PTPN4: variants seen among roughly 807,000 people sequenced by gnomAD.
PTPN4 encodes protein tyrosine phosphatase non-receptor type 4.
In PTPN4, 49 loss-of-function variants were observed where a neutral mutation model predicts 135.5. That is an observed-to-expected ratio of 0.36 (90% CI 0.29 to 0.46). The LOEUF (loss-of-function observed/expected upper bound fraction) is 0.46, where lower values mean the gene tolerates loss of function less well. Among genes scored for constraint, PTPN4 ranks in the 20% least tolerant of loss-of-function variants. The pLI is 1.00. For missense variants in PTPN4, 860 were observed against 1,101.0 expected (o/e 0.78, Z 3.10); for synonymous variants, 333 against 369.9 (o/e 0.90, Z 1.14).
intron 1 of PTPN4, among the ~76,000 whole-genome samples, chr2:119,787,925 C>T (rs1170543603): frequency 9.9e-5 from 15 of 152,108 alleles, no homozygotes; most frequent in Admixed American, 9.8e-4. Flanking sequence ...TAGTATTAGA[C>T]ATTTTAGGCA....
intron 1 of PTPN4, among the ~76,000 whole-genome samples, chr2:119,776,320 C>G (rs1002131257): frequency 6.6e-6 from 1 of 152,120 alleles, no homozygotes; most frequent in Admixed American, 6.6e-5. Flanking sequence ...GGACTACAGG[C>G]GCCTGCCACC....
chr2:119,823,888 C>A (rs1574353455), intron 2 of PTPN4, among the ~76,000 whole-genome samples: 1 of 152,196 alleles, frequency 6.6e-6, no homozygotes, highest in Non-Finnish European at 1.5e-5. Flanking sequence ...AACTCACTCT[C>A]GAAGAACTTT....
At chr2:119,795,782 C>T (rs925557742) in intron 1 of PTPN4, among the ~76,000 whole-genome samples, 13 of 152,358 alleles carry the variant, frequency 8.5e-5, no homozygotes, top group South Asian at 8.3e-4. Flanking sequence ...AGCAAGGCAC[C>T]GCCCTGGGCC....
intron 16 of PTPN4, among the ~76,000 whole-genome samples, chr2:119,945,873 CAA>C (rs1220009672): frequency 2.6e-5 from 4 of 152,074 alleles, no homozygotes; most frequent in African/African-American, 4.8e-5. Context: ...ACCTCTGTGA[CAA>C]GAGTAAAAAT....
chr2:119,940,227 C>T (rs148429499), intron 15 of PTPN4, among the ~76,000 whole-genome samples: 15 of 152,208 alleles, frequency 9.9e-5, no homozygotes, highest in East Asian at 5.8e-4. Flanking sequence ...GTGCCTTGTG[C>T]GTTAATTGGT....
intron 3 of PTPN4, among the ~76,000 whole-genome samples, chr2:119,864,454 C>T (rs1211022608): frequency 6.6e-6 from 1 of 152,002 alleles, no homozygotes. Context: ...AAGTATACCT[C>T]GTGAAGAGAA....
chr2:119,893,973 A>C (rs1678280908), intron 9 of PTPN4, among the ~76,000 whole-genome samples: 2 of 152,178 alleles, frequency 1.3e-5, no homozygotes, highest in Non-Finnish European at 2.9e-5. Flanking sequence ...GATAATAATA[A>C]GAGGAAACAC....
In PTPN4 at chr2:119,808,237, C is replaced by T. The variant is rs1691516268; in HGVS notation, c.-17-1600C>T. Among the ~76,000 whole-genome samples the T allele has an allele frequency of 2.0e-5, 3 of 151,960 alleles. No individual in the cohort carries two copies. The South Asian group carries it at 6.2e-4, about 32-fold the overall frequency. On this transcript the variant is annotated intron_variant, in intron 1 of 26. Coordinates refer to ENST00000263708, the MANE Select transcript of PTPN4 (RefSeq NM_002830.4). ...GGAAGTTCTGGCCAGGGCAGTCAGG[C>T]AAGAGAAAGAAATAAAGGGTATTCA...
chr2:119,832,907 T>C (rs1222100741), intron 2 of PTPN4, among the ~76,000 whole-genome samples: 3 of 152,212 alleles, frequency 2.0e-5, no homozygotes, highest in African/African-American at 7.2e-5. Flanking sequence ...TCTCATTCTT[T>C]GGAATAGTTT....
chr2:119,841,461 A>G (rs1382079855), intron 2 of PTPN4, among the ~76,000 whole-genome samples: 4 of 152,180 alleles, frequency 2.6e-5, no homozygotes, highest in Admixed American at 1.3e-4. Flanking sequence ...TGCTTTTTAC[A>G]TACAAAGAAT....
In PTPN4 at chr2:119,951,556, A is replaced by T. The variant is rs1386785550; in HGVS notation, c.1657-417A>T. ...ATGTGTGTCTATTATTTATGTAGTG[A>T]TTTTTGTGTACTTTTTACAGTTATT... On this transcript the variant is annotated intron_variant, in intron 18 of 26. Coordinates refer to ENST00000263708, the MANE Select transcript of PTPN4 (RefSeq NM_002830.4). Among the ~76,000 whole-genome samples the T allele has an allele frequency of 3.3e-5, 5 of 152,132 alleles. No individual in the cohort carries two copies. In the East Asian group the frequency reaches 5.8e-4, roughly 18 times the overall value.
At chr2:119,800,440 G>A (rs1018967541) in intron 1 of PTPN4, among the ~76,000 whole-genome samples, 1 of 133,056 alleles carries the variant, frequency 7.5e-6, no homozygotes, top group African/African-American at 2.8e-5. Context: ...GGGATTATTT[G>A]ATTTTTTTTT....
chr2:119,784,164 G>A (rs978325424), intron 1 of PTPN4, among the ~76,000 whole-genome samples: 8 of 151,898 alleles, frequency 5.3e-5, no homozygotes, highest in African/African-American at 1.9e-4. Flanking sequence ...AGTCTTAGAA[G>A]TCATATAGCA....
intron 15 of PTPN4, among the ~76,000 whole-genome samples, chr2:119,940,108 C>T (rs1314830734): frequency 2.0e-5 from 3 of 152,158 alleles, no homozygotes; most frequent in African/African-American, 4.8e-5. Flanking sequence ...TCTCAGGTTG[C>T]TGGGAGGCTT....
chr2:119,857,533 C>CA (rs59220642), intron 2 of PTPN4, among the ~76,000 whole-genome samples: 1 of 130,390 alleles, frequency 7.7e-6, no homozygotes, highest in Non-Finnish European at 1.6e-5. Context: ...GACTCCATCT[C>CA]AAAAAAAATA....
chr2:119,967,306 A>G (rs905801868), intron 25 of PTPN4, among the ~76,000 whole-genome samples: 1 of 152,072 alleles, frequency 6.6e-6, no homozygotes, highest in Non-Finnish European at 1.5e-5. Context: ...AAAATTAGCC[A>G]GGTGTGGTGG....
chr2:119,912,916 T>G (rs1228336360), intron 10 of PTPN4, among the ~76,000 whole-genome samples: 3 of 152,210 alleles, frequency 2.0e-5, no homozygotes, highest in Non-Finnish European at 4.4e-5. Context: ...AGGCAATCAC[T>G]AATCACTATC....
intron 1 of PTPN4, among the ~76,000 whole-genome samples, chr2:119,807,129 A>G (rs1386055627): frequency 1.3e-5 from 2 of 152,238 alleles, no homozygotes. Context: ...AAAGCAGGAA[A>G]GATCTAAAAT....
chr2:119,874,271 T>G (rs1677954089), intron 3 of PTPN4, among the ~76,000 whole-genome samples: 2 of 152,176 alleles, frequency 1.3e-5, no homozygotes, highest in South Asian at 4.1e-4. Context: ...GTTTGGCAGT[T>G]TCTCAAAAAG....
Sources: gnomAD v4.1 joint callset for allele counts (sites outside exome capture counted in the v4.1 genomes callset) on GRCh38, gnomAD v4.1.1 for gene constraint, MANE v1.5 for transcripts, NCBI Gene and HGNC (gene_info 2026-07-23, HGNC 2026-07-21) for gene names.